GPC6: variants seen among roughly 807,000 people sequenced by gnomAD.
GPC6 encodes glypican 6.
A neutral mutation model predicts 55.2 loss-of-function variants in GPC6; 14 were observed. The observed-to-expected ratio is 0.25, with a 90% CI of 0.17 to 0.40. The LOEUF (loss-of-function observed/expected upper bound fraction) is 0.40. GPC6 is among the 10% of genes least tolerant of loss of function. GPC6 has a pLI of 1.00. For synonymous variants in GPC6, 278 were observed against 259.6 expected, an observed-to-expected ratio of 1.07 and a Z score of -0.68; for missense variants, 641 against 708.5, an observed-to-expected ratio of 0.90 and a Z score of 1.08.
intron 1 of GPC6, among the ~76,000 whole-genome samples, chr13:93,445,620 T>C (rs1174343725): frequency 6.6e-6 from 1 of 152,216 alleles, no homozygotes; most frequent in Non-Finnish European, 1.5e-5. Flanking sequence ...TCCTACCATC[T>C]CTAGTAATGC....
chr13:93,486,800 C>T (rs998500666), intron 1 of GPC6, among the ~76,000 whole-genome samples: 2 of 152,018 alleles, frequency 1.3e-5, no homozygotes, highest in Non-Finnish European at 2.9e-5. Context: ...CAAAAATTAG[C>T]TGGGTGTGGT....
chr13:93,463,581 G>T (rs1362238381), intron 1 of GPC6, among the ~76,000 whole-genome samples: 1 of 152,032 alleles, frequency 6.6e-6, no homozygotes, highest in Non-Finnish European at 1.5e-5. Context: ...TTTATTGTAG[G>T]TATCTCATTA....
intron 1 of GPC6, among the ~76,000 whole-genome samples, chr13:93,275,131 G>A (rs981645490): frequency 2.6e-5 from 4 of 152,168 alleles, no homozygotes; most frequent in Non-Finnish European, 5.9e-5. Flanking sequence ...AGACTAACCT[G>A]TCTGCCAGCT....
chr13:93,345,411 A>G (rs925945560), intron 1 of GPC6, among the ~76,000 whole-genome samples: 1 of 152,056 alleles, frequency 6.6e-6, no homozygotes. Flanking sequence ...GTAGTATTAT[A>G]TTTTGAGTAT....
intron 6 of GPC6, among the ~76,000 whole-genome samples, chr13:94,330,683 C>T (rs115845632): frequency 4.9e-4 from 74 of 152,304 alleles, no homozygotes; most frequent in African/African-American, 1.7e-3. Context: ...AAGAGAAGCA[C>T]AGCTCAAATC....
chr13:93,436,234 G>A (rs1594168026), intron 1 of GPC6, among the ~76,000 whole-genome samples: 2 of 152,178 alleles, frequency 1.3e-5, no homozygotes, highest in Admixed American at 6.5e-5. Flanking sequence ...AGGAAAAAAT[G>A]TCATTGTAAA....
At chr13:93,406,412 T>C (rs904018773) in intron 1 of GPC6, among the ~76,000 whole-genome samples, 1 of 152,190 alleles carries the variant, frequency 6.6e-6, no homozygotes, top group Non-Finnish European at 1.5e-5. Flanking sequence ...TCAGGATTTC[T>C]GGCTCTCAAC....
rs141096480 is a variant in GPC6, at chr13:93,711,599, T to G, written c.320-118555T>G. Among the ~76,000 whole-genome samples, 865 of 149,998 alleles carry G rather than the reference T, an allele frequency of 5.8e-3. 10 individuals are homozygous for G. The highest frequency in any genetic ancestry group is 0.02 in the African/African-American group (823 of 41,106). ...GTCTTTTTTAAATTTTTTTTTTTGG[T>G]CTAAGAATCTCCAGTTGTTCTGTAT... is the stretch of plus-strand genomic sequence containing the variant. On this transcript the variant is annotated intron_variant, in intron 2 of 8. Coordinates refer to ENST00000377047, the MANE Select transcript of GPC6 (RefSeq NM_005708.5).
At chr13:94,204,517 C>T (rs1451099257) in intron 4 of GPC6, among the ~76,000 whole-genome samples, 1 of 152,060 alleles carries the variant, frequency 6.6e-6, no homozygotes, top group Non-Finnish European at 1.5e-5. Context: ...AATAAAAATA[C>T]GGAGGTATTT....
chr13:94,168,184 C>G (rs1411088933), intron 4 of GPC6, among the ~76,000 whole-genome samples: 1 of 152,224 alleles, frequency 6.6e-6, no homozygotes, highest in Non-Finnish European at 1.5e-5. Context: ...CCCTCTGGCT[C>G]CAAAACCTGC....
At chr13:93,336,648 C>G (rs1414587871) in intron 1 of GPC6, among the ~76,000 whole-genome samples, 1 of 152,096 alleles carries the variant, frequency 6.6e-6, no homozygotes, top group Non-Finnish European at 1.5e-5. Flanking sequence ...CATTGCAGCA[C>G]AAGTTCTTTT....
intron 2 of GPC6, among the ~76,000 whole-genome samples, chr13:93,804,257 C>A (rs536518944): frequency 1.3e-5 from 2 of 152,102 alleles, no homozygotes; most frequent in Non-Finnish European, 2.9e-5. Context: ...TTTAATAATT[C>A]TCTTTAAAAG....
At chr13:93,754,133 G>A (rs529873746) in intron 2 of GPC6, among the ~76,000 whole-genome samples, 1 of 151,998 alleles carries the variant, frequency 6.6e-6, no homozygotes, top group Non-Finnish European at 1.5e-5. Flanking sequence ...CATATTATAA[G>A]GTATTTTCAA....
intron 3 of GPC6, among the ~76,000 whole-genome samples, chr13:94,003,477 TTTGA>T (rs1594658151): frequency 2.0e-5 from 3 of 152,220 alleles, no homozygotes; most frequent in East Asian, 1.9e-4. Context: ...GAGAGGTGTC[TTTGA>T]TTGGGATAAG....
At chr13:93,708,219 G>A (rs1330823273) in intron 2 of GPC6, among the ~76,000 whole-genome samples, 9 of 151,642 alleles carry the variant, frequency 5.9e-5, no homozygotes, top group Non-Finnish European at 1.2e-4. Context: ...ATAAAATATT[G>A]TATTTTAAAC....
chr13:93,568,929 T>G (rs1876267508), intron 2 of GPC6, among the ~76,000 whole-genome samples: 1 of 152,178 alleles, frequency 6.6e-6, no homozygotes, highest in South Asian at 2.1e-4. Context: ...AGCCTACTTA[T>G]TGGAGGTAGA....
chr13:94,306,626 A>G (rs1223183618), intron 6 of GPC6, among the ~76,000 whole-genome samples: 2 of 152,192 alleles, frequency 1.3e-5, no homozygotes, highest in African/African-American at 4.8e-5. Context: ...AAAAAGTTGG[A>G]ATCCTTAGAA....
chr13:93,707,125 T>TA (rs1218880325), intron 2 of GPC6, among the ~76,000 whole-genome samples: 1 of 151,782 alleles, frequency 6.6e-6, no homozygotes, highest in Non-Finnish European at 1.5e-5. Context: ...ATTTCAAATT[T>TA]AAAAAAATCT....
intron 1 of GPC6, among the ~76,000 whole-genome samples, chr13:93,332,793 T>TTTTG (rs908012950): frequency 6.6e-6 from 1 of 152,078 alleles, no homozygotes; most frequent in Non-Finnish European, 1.5e-5. Flanking sequence ...TCCTGAAGTG[T>TTTTG]TTTGTTTGTT....
Sources: gnomAD v4.1 joint callset for allele counts (sites outside exome capture counted in the v4.1 genomes callset) on GRCh38, gnomAD v4.1.1 for gene constraint, MANE v1.5 for transcripts, NCBI Gene and HGNC (gene_info 2026-07-23, HGNC 2026-07-21) for gene names.